SLC35D4: variants seen among roughly 807,000 people sequenced by gnomAD.
SLC35D4 encodes solute carrier family 35 member D4, also known as UDP-N-acetylglucosamine transporter SLC35D4.
the SLC35D4 span, among the ~76,000 whole-genome samples, chr18:23,345,027 T>A: frequency 6.6e-6 from 1 of 152,210 alleles, no homozygotes; most frequent in Admixed American, 6.5e-5. Flanking sequence ...CCAAGGCCAT[T>A]AAGGCTTTTT....
chr18:23,330,524 A>G, the SLC35D4 span, among the ~76,000 whole-genome samples: 4 of 152,202 alleles, frequency 2.6e-5, no homozygotes, highest in African/African-American at 9.7e-5. Flanking sequence ...AAATACCTAC[A>G]GGAAAATTCA....
the SLC35D4 span, among the ~76,000 whole-genome samples, chr18:23,244,967 C>T: frequency 1.1e-4 from 16 of 152,214 alleles, no homozygotes; most frequent in Non-Finnish European, 2.2e-4. Context: ...CGCCCTAGAG[C>T]GGAAGTACCT....
chr18:23,312,156 T>C, the SLC35D4 span, among the ~76,000 whole-genome samples: 1 of 152,214 alleles, frequency 6.6e-6, no homozygotes, highest in African/African-American at 2.4e-5. Context: ...CTCAGGTGAC[T>C]TTCAGTCCAG....
chr18:23,383,978 T>C, the SLC35D4 span, among the ~76,000 whole-genome samples: 1 of 112,780 alleles, frequency 8.9e-6, no homozygotes, highest in Admixed American at 1.2e-4. Flanking sequence ...CTGGCCTCTC[T>C]ATAGTTTAAA....
chr18:23,411,379 G>GAGAGAGAAGGGAAGGC, the SLC35D4 span, among the ~76,000 whole-genome samples: 2 of 149,440 alleles, frequency 1.3e-5, no homozygotes, highest in African/African-American at 4.9e-5. Context: ...GAAGAGAAGG[G>GAGAGAGAAGGGAAGGC]AGAGAGAAGG....
the SLC35D4 span, among the ~76,000 whole-genome samples, chr18:23,416,220 T>C: frequency 1.3e-5 from 2 of 152,118 alleles, no homozygotes; most frequent in East Asian, 1.9e-4. Flanking sequence ...TGAGGCTCAT[T>C]TGACATTTGA....
chr18:23,410,815 A>G, the SLC35D4 span, among the ~76,000 whole-genome samples: 2 of 152,170 alleles, frequency 1.3e-5, no homozygotes, highest in Non-Finnish European at 2.9e-5. Context: ...AAAAGAAAAA[A>G]GTTCATAACT....
At chr18:23,245,212 C>G in the SLC35D4 span, among the ~76,000 whole-genome samples, 1 of 152,102 alleles carries the variant, frequency 6.6e-6, no homozygotes, top group African/African-American at 2.4e-5. Context: ...TGTTTTTGTA[C>G]AAAGCAAAGG....
the SLC35D4 span, among the ~76,000 whole-genome samples, chr18:23,256,907 T>C: frequency 6.6e-6 from 1 of 152,262 alleles, no homozygotes; most frequent in Non-Finnish European, 1.5e-5. Context: ...CTAAGCTCTC[T>C]GACTTCTTGG....
the SLC35D4 span, among the ~76,000 whole-genome samples, chr18:23,409,293 G>A: frequency 1.8e-4 from 27 of 151,898 alleles, no homozygotes; most frequent in African/African-American, 5.8e-4. Context: ...GTCTATATGC[G>A]CACATATGAA....
At chr18:23,413,629 T>G in the SLC35D4 span, among the ~76,000 whole-genome samples, 1 of 152,158 alleles carries the variant, frequency 6.6e-6, no homozygotes, top group Non-Finnish European at 1.5e-5. Flanking sequence ...ATGTTAGTAT[T>G]AAGAAATAGA....
chr18:23,424,873 G>A, the SLC35D4 span, among the ~76,000 whole-genome samples: 7 of 151,970 alleles, frequency 4.6e-5, no homozygotes, highest in East Asian at 3.9e-4. Context: ...AAACAAACAC[G>A]TTTGCTATGA....
the SLC35D4 span, among the ~76,000 whole-genome samples, chr18:23,380,371 A>C: frequency 6.6e-6 from 1 of 152,180 alleles, no homozygotes; most frequent in African/African-American, 2.4e-5. Flanking sequence ...CTTAGCCACC[A>C]CTTGATGCTC....
At chr18:23,380,707 T>C in the SLC35D4 span, among the ~76,000 whole-genome samples, 7 of 152,134 alleles carry the variant, frequency 4.6e-5, no homozygotes, top group Non-Finnish European at 1.0e-4. Flanking sequence ...ATTCTAATAT[T>C]AAACTATAAT....
the SLC35D4 span, among the ~76,000 whole-genome samples, chr18:23,319,600 G>C: frequency 3.3e-5 from 5 of 152,106 alleles, no homozygotes; most frequent in Non-Finnish European, 7.4e-5. Context: ...ACCATGCCCA[G>C]CTAATATTTT....
the SLC35D4 span, among the ~76,000 whole-genome samples, chr18:23,359,125 G>A: frequency 2.6e-5 from 4 of 152,170 alleles, no homozygotes; most frequent in African/African-American, 9.7e-5. Flanking sequence ...GGTGGCTGAC[G>A]CCTGTAATCC....
chr18:23,402,872 C>G, the SLC35D4 span, among the ~76,000 whole-genome samples: 137 of 152,012 alleles, frequency 9.0e-4, no homozygotes, highest in Middle Eastern at 3.4e-3. Flanking sequence ...TTTGGGAGGC[C>G]GAGATGGGCA....
At chr18:23,259,296 C>G in the SLC35D4 span, 1 of 150,294 alleles carries the variant, frequency 6.7e-6, no homozygotes. Flanking sequence ...TGCCCATCTG[C>G]CCCCGAATTT....
chr18:23,421,387 T>G, the SLC35D4 span: 1 of 1,614,122 alleles, frequency 6.2e-7, no homozygotes, highest in Admixed American at 1.7e-5. Flanking sequence ...TGTTGATCTC[T>G]ACCCAGCCCA....
Sources: gnomAD v4.1 joint callset for allele counts (sites outside exome capture counted in the v4.1 genomes callset) on GRCh38, gnomAD v4.1.1 for gene constraint, MANE v1.5 for transcripts, NCBI Gene and HGNC (gene_info 2026-07-23, HGNC 2026-07-21) for gene names.